The following GHR variants were observed in gnomAD, a reference collection of about 807,000 sequenced individuals.
The protein encoded by GHR is growth hormone receptor, also known as GH receptor.
GHR carries 35 observed loss-of-function variants against 67.1 expected under a neutral mutation model. The observed-to-expected ratio is 0.52, with a 90% confidence interval of 0.40 to 0.69. GHR has a LOEUF of 0.69. GHR is among the 30% of genes least tolerant of loss of function. GHR has a pLI of 0.00. For synonymous variants in GHR, 272 were observed against 269.1 expected, an observed-to-expected ratio of 1.01 and a Z score of -0.10; for missense variants, 792 against 764.6, an observed-to-expected ratio of 1.04 and a Z score of -0.42.
chr5:42,507,840 C>T (rs563050294), intron 1 of GHR, among the ~76,000 whole-genome samples: 7 of 152,258 alleles, frequency 4.6e-5, no homozygotes, highest in African/African-American at 1.2e-4. Context: ...GGAAGACATC[C>T]CTGACCTCTC....
At chr5:42,432,516 C>T (rs1743138932) in intron 1 of GHR, among the ~76,000 whole-genome samples, 1 of 152,172 alleles carries the variant, frequency 6.6e-6, no homozygotes. Flanking sequence ...ACCCTATCAG[C>T]TGCTTCTCTG....
chr5:42,689,129 CA>C, intron 4 of GHR, 110 bp downstream of exon 4: 1 of 968,732 alleles, frequency 1.0e-6, no homozygotes, highest in Middle Eastern at 2.1e-4. Context: ...TTTATGCAAT[CA>C]ATGAATATTC....
rs373804053 is a variant in GHR at position 42,660,461 on chromosome 5, G to A, written c.137-28429G>A. 1.2e-4 allele frequency among the ~76,000 whole-genome samples: 18 copies of A among 152,126 alleles called. No individual in the cohort carries two copies. In the South Asian group the frequency reaches 1.2e-3, roughly 11 times the overall value. On this transcript the variant is annotated intron_variant, in intron 3 of 9. Transcript: ENST00000230882. The stretch of plus-strand genomic sequence containing the variant: ...CAGCATTCAAGGTTCATGAAAATCC[G>A]CTGTTCTGCAGCCACCGCTGCTGGT...
At chr5:42,587,426 T>C (rs1277878981) in intron 2 of GHR, among the ~76,000 whole-genome samples, 4 of 152,188 alleles carry the variant, frequency 2.6e-5, no homozygotes, top group African/African-American at 7.2e-5. Context: ...GGTTTTGATT[T>C]GCTTTTCCCT....
At chr5:42,555,585 C>T (rs1165250625) in intron 1 of GHR, among the ~76,000 whole-genome samples, 1 of 152,156 alleles carries the variant, frequency 6.6e-6, no homozygotes, top group Admixed American at 6.5e-5. Flanking sequence ...GGGAGATTTA[C>T]TTAACCTCTC....
At chr5:42,556,411 G>C (rs1171526496) in intron 1 of GHR, among the ~76,000 whole-genome samples, 1 of 152,030 alleles carries the variant, frequency 6.6e-6, no homozygotes, top group African/African-American at 2.4e-5. Flanking sequence ...TTTCAAATTT[G>C]AGTCTGAAGA....
intron 3 of GHR, among the ~76,000 whole-genome samples, chr5:42,676,620 G>A (rs972605172): frequency 7.9e-5 from 12 of 152,052 alleles, no homozygotes; most frequent in Non-Finnish European, 1.2e-4. Flanking sequence ...TTTTCAGATG[G>A]CCTCTTTGAC....
At chr5:42,693,764 G>A (rs1757539742) in intron 4 of GHR, among the ~76,000 whole-genome samples, 1 of 152,140 alleles carries the variant, frequency 6.6e-6, no homozygotes, top group Admixed American at 6.5e-5. Flanking sequence ...AGTCTGGCCT[G>A]TGAGCCACAG....
chr5:42,614,153 C>G (rs187190861), intron 2 of GHR, among the ~76,000 whole-genome samples: 1 of 152,156 alleles, frequency 6.6e-6, no homozygotes, highest in Admixed American at 6.5e-5. Context: ...TTTGTTCCCT[C>G]CAGAAGTAAA....
intron 1 of GHR, among the ~76,000 whole-genome samples, chr5:42,436,891 C>G (rs922904592): frequency 6.6e-6 from 1 of 152,168 alleles, no homozygotes; most frequent in African/African-American, 2.4e-5. Flanking sequence ...TGAGCTTTGG[C>G]TCTGGGAAGA....
intron 2 of GHR, among the ~76,000 whole-genome samples, chr5:42,574,496 A>G (rs1750531562): frequency 6.6e-6 from 1 of 152,248 alleles, no homozygotes; most frequent in South Asian, 2.1e-4. Context: ...AATGAGAAAT[A>G]GAAGGAAGTA....
chr5:42,440,177 A>G (rs150355659), intron 1 of GHR, among the ~76,000 whole-genome samples: 1,578 of 152,376 alleles, frequency 0.01, 34 homozygotes, highest in African/African-American at 0.036. Flanking sequence ...AGCATAGTAT[A>G]ATAAGCAACC....
chr5:42,521,216 A>G (rs1013048428), intron 1 of GHR, among the ~76,000 whole-genome samples: 14 of 152,196 alleles, frequency 9.2e-5, no homozygotes, highest in Non-Finnish European at 1.6e-4. Context: ...AACCTCTTGC[A>G]AGAATCATAG....
chr5:42,548,387 G>C, intron 1 of GHR: 1 of 985,298 alleles, frequency 1.0e-6, no homozygotes, highest in Non-Finnish European at 1.2e-6. Context: ...CTCTCTGTCA[G>C]ATTTTAACCA....
At chr5:42,628,986 T>G in intron 2 of GHR, 52 bp from the exon 3 acceptor site, 1 of 999,724 alleles carries the variant, frequency 1.0e-6, no homozygotes, top group South Asian at 1.4e-5. Flanking sequence ...CAGGGTCATA[T>G]CAGATTGTTT....
At chr5:42,583,068 G>T (rs1242798953) in intron 2 of GHR, among the ~76,000 whole-genome samples, 1 of 152,224 alleles carries the variant, frequency 6.6e-6, no homozygotes, top group Non-Finnish European at 1.5e-5. Context: ...CAAAACTTGG[G>T]CAAATGTGCC....
chr5:42,683,758 G>T (rs1757002393), intron 3 of GHR, among the ~76,000 whole-genome samples: 1 of 152,168 alleles, frequency 6.6e-6, no homozygotes, highest in Non-Finnish European at 1.5e-5. Flanking sequence ...AAACAGCTCT[G>T]CTGCACAACA....
intron 6 of GHR, among the ~76,000 whole-genome samples, chr5:42,707,551 T>C (rs1018812180): frequency 2.6e-5 from 4 of 151,526 alleles, no homozygotes; most frequent in African/African-American, 9.7e-5. Flanking sequence ...TTGGGCAGTA[T>C]GGTCATCTTA....
At chr5:42,624,472 T>C (rs75943985) in intron 2 of GHR, among the ~76,000 whole-genome samples, 2,576 of 152,308 alleles carry the variant, frequency 0.017, 25 homozygotes, top group Middle Eastern at 0.041. Flanking sequence ...TATGTTTATG[T>C]GCTATCCCAT....
Sources: allele counts gnomAD v4.1 joint callset (sites outside exome capture counted in the v4.1 genomes callset), GRCh38; gene constraint gnomAD v4.1.1; transcripts MANE v1.5; gene names NCBI Gene and HGNC (gene_info 2026-07-23, HGNC 2026-07-21).